The following LRRC27 variants were observed in gnomAD, a reference collection of about 807,000 sequenced individuals.
The protein encoded by LRRC27 is leucine rich repeat containing 27.
A neutral mutation model predicts 55.0 loss-of-function variants in LRRC27; 57 were observed. The ratio of observed to expected loss-of-function variants is 1.04; its 90% confidence interval spans 0.84 to 1.29. The LOEUF (loss-of-function observed/expected upper bound fraction) is 1.29. Ranked by LOEUF, LRRC27 falls within the 50% of genes most tolerant of loss-of-function variation. LRRC27 has a pLI of 0.00. For missense variants in LRRC27, 721 were observed against 651.5 expected (o/e 1.11, Z -1.16); for synonymous variants, 278 against 251.9 (o/e 1.10, Z -0.98).
chr10:132,367,200 A>T (rs1191323877), intron 10 of LRRC27, among the ~76,000 whole-genome samples: 1 of 152,210 alleles, frequency 6.6e-6, no homozygotes, highest in Non-Finnish European at 1.5e-5. Flanking sequence ...GCCAAAACTT[A>T]CAGAAGAAAT....
intron 7 of LRRC27, among the ~76,000 whole-genome samples, chr10:132,355,005 C>T (rs983631178): frequency 6.6e-6 from 1 of 152,194 alleles, no homozygotes; most frequent in African/African-American, 2.4e-5. Context: ...CAGCCCTGGG[C>T]GGCGAGCTGT....
At chr10:132,337,794 C>A in intron 3 of LRRC27, 99 bp downstream of exon 3, 1 of 1,385,710 alleles carries the variant, frequency 7.2e-7, no homozygotes, top group Non-Finnish European at 9.9e-7. Context: ...AAATTTTTAC[C>A]TCGGAATAGA....
At position 132,381,135 on chromosome 10, in the gene LRRC27, G is replaced by A. The variant is rs2133126503; in HGVS notation, c.*5893G>A. 6.6e-6 allele frequency among the ~76,000 whole-genome samples: 1 copy of A among 152,350 alleles called. No individual in the cohort carries two copies. Among genetic ancestry groups the A allele is most frequent in the East Asian group, 1.9e-4 (1 of 5,186 alleles). On this transcript the variant is annotated 3_prime_UTR_variant, in exon 11 of 11. Transcript: ENST00000368614. The stretch of plus-strand genomic sequence containing the variant: ...GGACTGGGAGAAGACCCACCACAGT[G>A]TGGGCAGGCACCATCCAGTCGGCTG...
intron 3 of LRRC27, among the ~76,000 whole-genome samples, chr10:132,339,914 A>G (rs1402933619): frequency 2.0e-5 from 3 of 152,212 alleles, no homozygotes; most frequent in Non-Finnish European, 2.9e-5. Context: ...GTATACTTTT[A>G]TTTGTGATTT....
intron 6 of LRRC27, chr10:132,349,088 T>C (rs1050219157): frequency 2.1e-6 from 3 of 1,448,234 alleles, no homozygotes; most frequent in Non-Finnish European, 2.9e-6. Context: ...TGTGTGTGCC[T>C]GCATGTGGTG....
chr10:132,331,538 G>A (rs752084790), upstream of LRRC27: 2 of 1,612,844 alleles, frequency 1.2e-6, no homozygotes, highest in African/African-American at 1.3e-5. Flanking sequence ...CCTGAGGCAA[G>A]ATTTGGGGAC....
In LRRC27 at chr10:132,336,024, C is replaced by T. The variant is rs562660995; in HGVS notation, c.211-1541C>T. Among the ~76,000 whole-genome samples the T allele has an allele frequency of 3.1e-4, 47 of 152,312 alleles. No individual in the cohort carries two copies. The South Asian group carries it at 9.1e-3, about 30-fold the overall frequency. Reference sequence around the variant, plus strand: ...TGTAGTTTGCTGACCTAAGCCAATTCAAGGCACTTTGTCTTGGAAATGGAC... The same window carrying T: ...TGTAGTTTGCTGACCTAAGCCAATTTAAGGCACTTTGTCTTGGAAATGGAC... On this transcript the variant is annotated intron_variant, in intron 2 of 10. Transcript: ENST00000368614.
chr10:132,365,483 A>C lies in LRRC27; in HGVS notation c.1349A>C (p.Glu450Ala). 1 of 1,613,744 alleles carries C rather than the reference A, an allele frequency of 6.2e-7. No homozygotes were observed. The highest frequency in any genetic ancestry group is 1.3e-5 in the African/African-American group (1 of 75,062). Residue 450 changes from glutamate to alanine, a missense_variant, in exon 10 of 11, where the codon GAG becomes GCG. By Grantham distance (107) the Glu-to-Ala change is moderately radical. Coordinates refer to ENST00000368614, the MANE Select transcript of LRRC27 (RefSeq NM_030626.3). ...AAACAGCACGTCCTCCAAATGCGTG[A>C]GCAAAGAAGATTCCATGGCCAGGCC... ...KIKQHVLQMR[E>A]QRRFHGQAPL...
intron 7 of LRRC27, among the ~76,000 whole-genome samples, chr10:132,353,688 T>TG (rs1232302204): frequency 6.6e-6 from 1 of 152,176 alleles, no homozygotes; most frequent in Non-Finnish European, 1.5e-5. Flanking sequence ...GACCAGGTCT[T>TG]GCTGGCCACG....
chr10:132,364,417 G>GCGCTCACACCCACCCACA (rs2068843384), intron 9 of LRRC27, among the ~76,000 whole-genome samples: 1 of 6,992 alleles, frequency 1.4e-4, no homozygotes, highest in Admixed American at 1.8e-3. Context: ...CCACACCCGC[G>GCGCTCACACCCACCCACA]CTTACACCCA....
chr10:132,361,743 C>T (rs1228183918), intron 9 of LRRC27, among the ~76,000 whole-genome samples, 168 bp downstream of exon 9: 2 of 152,080 alleles, frequency 1.3e-5, no homozygotes, highest in Non-Finnish European at 2.9e-5. Context: ...CAGGGAGAGC[C>T]AGGTAACCCT....
intron 5 of LRRC27, 186 bp downstream of exon 5, chr10:132,344,836 G>A: frequency 1.8e-6 from 1 of 541,154 alleles, no homozygotes; most frequent in Admixed American, 3.2e-5. Flanking sequence ...CTTTTCCTTG[G>A]TTCTATAAAT....
At chr10:132,353,190 G>A in intron 7 of LRRC27, 1 of 1,397,988 alleles carries the variant, frequency 7.2e-7, no homozygotes, top group Non-Finnish European at 9.3e-7. Flanking sequence ...GAGAGCGAGG[G>A]CCTCGTCTTT....
Position 132,333,650 on chromosome 10 carries a change from C to G in LRRC27, c.126C>G (p.Ile42Met), listed in dbSNP as rs1470204989. ...SKDVHKGVGGIIFSSSPILDL... is the reference protein window; with the variant it reads ...SKDVHKGVGGMIFSSSPILDL... ...ATGTTCACAAGGGTGTTGGAGGCAT[C>G]ATCTTTTCCTCCTCACCGATTTTAG... is the stretch of plus-strand genomic sequence containing the variant. The change falls in exon 2 of 11, where the codon ATC (isoleucine) becomes ATG (methionine). Residue 42 changes from isoleucine (I) to methionine (M), a missense_variant. Transcript: ENST00000368614. 1 of 1,613,614 alleles carries G rather than the reference C, an allele frequency of 6.2e-7. No individual in the cohort carries two copies. Among genetic ancestry groups the G allele is most frequent in the Non-Finnish European group, 8.5e-7 (1 of 1,180,018 alleles).
intron 3 of LRRC27, among the ~76,000 whole-genome samples, chr10:132,341,829 C>T (rs576988915): frequency 6.6e-6 from 1 of 152,306 alleles, no homozygotes; most frequent in South Asian, 2.1e-4. Context: ...GGTGTGAAAG[C>T]CTAAAATAGA....
rs113143306 is a variant in LRRC27, at chr10:132,360,929, CAT to C, written c.1171-527_1171-526del. ...TCCGGAGGGGTCAGCGTGGCTCTCA[CAT>C]GTGTCCACTGGAGGCAGCAGCGAGC... is the stretch of plus-strand genomic sequence containing the variant. On this transcript the variant is annotated intron_variant, in intron 8 of 10. Transcript: ENST00000368614. Among the ~76,000 whole-genome samples the C allele has an allele frequency of 2.3e-3, 345 of 152,362 alleles. 2 individuals carry two copies. The highest frequency in any genetic ancestry group is 7.9e-3 in the African/African-American group (327 of 41,580).
In LRRC27 at chr10:132,380,970, C is replaced by G. The variant is rs1041174380; in HGVS notation, c.*5728C>G. Among the ~76,000 whole-genome samples the G allele has an allele frequency of 1.3e-5, 2 of 152,172 alleles. No homozygotes were observed. Among genetic ancestry groups the G allele is most frequent in the East Asian group, 3.8e-4 (2 of 5,204 alleles). On this transcript the variant is annotated 3_prime_UTR_variant, in exon 11 of 11. Coordinates refer to ENST00000368614, the MANE Select transcript of LRRC27 (RefSeq NM_030626.3). ...CACTTTCTGTGAAATACCTTTTTAT[C>G]TTGTATTGGGAATGCAGCTTTTATG...
In LRRC27 at chr10:132,380,940, C is replaced by T. The variant is rs559513769; in HGVS notation, c.*5698C>T. Among the ~76,000 whole-genome samples, 3 of 152,358 alleles carry T rather than the reference C, an allele frequency of 2.0e-5. No individual in the cohort carries two copies. The South Asian group carries it at 6.2e-4, about 32-fold the overall frequency. ...GAAATTTGTGAGCAGGCACAAAAGCCTTAACACTTTCTGTGAAATACCTTT... is the reference window on the plus strand; with the variant it reads ...GAAATTTGTGAGCAGGCACAAAAGCTTTAACACTTTCTGTGAAATACCTTT... On this transcript the variant is annotated 3_prime_UTR_variant, in exon 11 of 11. Coordinates refer to ENST00000368614, the MANE Select transcript of LRRC27 (RefSeq NM_030626.3).
In LRRC27 at chr10:132,344,620, C is replaced by T. The variant is rs754124789; in HGVS notation, c.523C>T (p.His175Tyr). 6.2e-7 allele frequency: 1 copy of T among 1,614,076 alleles called. No homozygotes were observed. The highest frequency in any genetic ancestry group is 1.1e-5 in the South Asian group (1 of 91,082). The change falls in exon 5 of 11, where the codon CAC becomes TAC. Residue 175 changes from histidine to tyrosine, a missense_variant. Physicochemically the swap from His to Tyr is moderately conservative, Grantham distance 83. Coordinates refer to ENST00000368614, the MANE Select transcript of LRRC27 (RefSeq NM_030626.3). ...QRFLRMWAVE[H>Y]SLPRNPTSQE... is the part of the protein sequence containing the mutation. ...CTTCCTGCGGATGTGGGCAGTAGAA[C>T]ACTCTCTCCCCAGAAATCCAACTTC...
Sources: gnomAD v4.1 joint callset for allele counts (sites outside exome capture counted in the v4.1 genomes callset) on GRCh38, gnomAD v4.1.1 for gene constraint, MANE v1.5 for transcripts, NCBI Gene and HGNC (gene_info 2026-07-23, HGNC 2026-07-21) for gene names.